The following SLCO3A1 variants were observed in gnomAD, a reference collection of about 807,000 sequenced individuals.
SLCO3A1 encodes solute carrier organic anion transporter family member 3A1.
SLCO3A1 carries 27 observed loss-of-function variants against 63.1 expected under a neutral mutation model. That is an observed-to-expected ratio of 0.43 (90% CI 0.32 to 0.59). SLCO3A1 has a LOEUF of 0.59. SLCO3A1 is among the 20% of genes least tolerant of loss of function. The pLI is 0.09. For synonymous variants in SLCO3A1, 473 were observed against 409.9 expected, an observed-to-expected ratio of 1.15 and a Z score of -1.86; for missense variants, 773 against 945.8, an observed-to-expected ratio of 0.82 and a Z score of 2.40.
chr15:92,147,218 C>T, intron 8 of SLCO3A1, 59 bp downstream of exon 8: 2 of 1,513,626 alleles, frequency 1.3e-6, no homozygotes, highest in Non-Finnish European at 9.0e-7. Context: ...ATCTGCAGGC[C>T]TCCTAGGGAC....
intron 5 of SLCO3A1, among the ~76,000 whole-genome samples, chr15:92,121,493 A>T (rs2047861918): frequency 6.6e-6 from 1 of 152,218 alleles, no homozygotes; most frequent in Non-Finnish European, 1.5e-5. Context: ...AAGTTTCTGG[A>T]TCAGACCTGA....
intron 2 of SLCO3A1, among the ~76,000 whole-genome samples, chr15:92,059,274 T>A (rs976239373): frequency 6.6e-6 from 1 of 152,228 alleles, no homozygotes; most frequent in Admixed American, 6.5e-5. Context: ...GTTACCTGTC[T>A]GTTTCCAAGA....
intron 2 of SLCO3A1, among the ~76,000 whole-genome samples, chr15:91,931,055 T>A (rs6496873): frequency 6.6e-6 from 1 of 151,584 alleles, no homozygotes; most frequent in African/African-American, 2.4e-5. Context: ...GATGTGGAGC[T>A]GGAAAATATT....
chr15:92,120,321 GC>G, intron 4 of SLCO3A1, 143 bp from the exon 5 acceptor site: 2 of 766,160 alleles, frequency 2.6e-6, no homozygotes, highest in South Asian at 3.6e-5. Context: ...GTAGATTTTG[GC>G]CTTAGCAACT....
rs527470539 is a variant in SLCO3A1 at position 91,943,674 on chromosome 15, C to A, written c.646+27216C>A. On this transcript the variant is annotated intron_variant, in intron 2 of 9. Transcript: ENST00000318445. The stretch of plus-strand genomic sequence containing the variant: ...GGAACCGCCATACTGTTTTTCATAC[C>A]CAGTGCATAATTTTCATGTCTCATT... Among the ~76,000 whole-genome samples the A allele has an allele frequency of 1.6e-4, 24 of 152,174 alleles. No individual in the cohort carries two copies. The East Asian group carries it at 4.6e-3, about 29-fold the overall frequency.
At chr15:91,878,439 G>T (rs1897460052) in intron 1 of SLCO3A1, among the ~76,000 whole-genome samples, 1 of 152,168 alleles carries the variant, frequency 6.6e-6, no homozygotes, top group African/African-American at 2.4e-5. Context: ...CTTGGTAGTA[G>T]CCAAATGCCA....
chr15:91,909,192 C>T (rs1189863119), intron 1 of SLCO3A1, among the ~76,000 whole-genome samples: 5 of 152,156 alleles, frequency 3.3e-5, no homozygotes, highest in Non-Finnish European at 7.3e-5. Context: ...TTTGTATTGC[C>T]AGGCACGGGA....
intron 2 of SLCO3A1, among the ~76,000 whole-genome samples, chr15:92,077,101 AT>A (rs2047286567): frequency 6.6e-6 from 1 of 152,138 alleles, no homozygotes; most frequent in South Asian, 2.1e-4. Flanking sequence ...GTATAAACCC[AT>A]CAGAACTCGT....
At position 91,941,604 on chromosome 15, in the gene SLCO3A1, T is replaced by G. The variant is rs745360429; in HGVS notation, c.646+25146T>G. The G allele has an allele frequency of 2.6e-5, 12 of 455,712 alleles. 1 individual carries two copies. Among genetic ancestry groups the G allele is most frequent in the South Asian group, 1.9e-4 (12 of 64,488 alleles). The allele number at this position is 455,712 out of a possible 1,614,324, so 28.2% of individuals were successfully genotyped here. On this transcript the variant is annotated intron_variant, in intron 2 of 9. Coordinates refer to ENST00000318445, the MANE Select transcript of SLCO3A1 (RefSeq NM_013272.4). This position sits in a 1 kb window ranked among gnomAD's most constrained non-coding sequence, Gnocchi z 4.4. ...AAGTAATCTTTTCTCTTCCTTCGTC[T>G]TGGAGGTTTTGAAGCTTCTAATCTC...
In SLCO3A1 at chr15:91,882,449, A is replaced by T. The variant is rs1238420514; in HGVS notation, c.180+28361A>T. Among the ~76,000 whole-genome samples, 2 of 152,142 alleles carry T rather than the reference A, an allele frequency of 1.3e-5. No homozygotes were observed. The highest frequency in any genetic ancestry group is 1.3e-4 in the Admixed American group (2 of 15,276). ...AATCAATGAATGATCAAACAGAGGG[A>T]CATGAAATTTGCTAATACGGTATAG... On this transcript the variant is annotated intron_variant, in intron 1 of 9. Coordinates refer to ENST00000318445, the MANE Select transcript of SLCO3A1 (RefSeq NM_013272.4). The surrounding 1 kb of genome is among the most constrained non-coding windows in gnomAD (Gnocchi z 4.4).
In SLCO3A1 at chr15:92,165,295, A is replaced by G. The variant is rs746025890; in HGVS notation, c.*2160A>G. 5.1e-6 allele frequency: 5 copies of G among 985,414 alleles called. No individual in the cohort carries two copies. The highest frequency in any genetic ancestry group is 4.8e-6 in the Non-Finnish European group (4 of 829,894). 61.0% of individuals were successfully genotyped at this position (985,414 alleles called of 1,614,324 possible). A position where few individuals can be genotyped will look rare whatever the true frequency, so the allele number is the denominator to read the frequency against. ...ACACTCATCAGTACGTTAACTACTA[A>G]AGGGGAGATGGTTCTCCAACCACTT... On this transcript the variant is annotated 3_prime_UTR_variant, in exon 10 of 10. Coordinates refer to ENST00000318445, the MANE Select transcript of SLCO3A1 (RefSeq NM_013272.4).
chr15:92,061,868 C>A lies in SLCO3A1; in HGVS notation c.647-33013C>A, dbSNP rs4247078. 3.6e-4 allele frequency among the ~76,000 whole-genome samples: 54 copies of A among 151,898 alleles called. 1 individual carries two copies. Among genetic ancestry groups the A allele is most frequent in the Admixed American group, 3.4e-3 (52 of 15,284 alleles). On this transcript the variant is annotated intron_variant, in intron 2 of 9. Transcript: ENST00000318445. ...ACACAAGGGCCTCCCCTTTGGGAGC[C>A]ACAAGGGTTTAGCTACATGGTCATG...
chr15:91,999,606 A>G (rs1271575875), intron 2 of SLCO3A1, among the ~76,000 whole-genome samples: 1 of 152,156 alleles, frequency 6.6e-6, no homozygotes, highest in African/African-American at 2.4e-5. Flanking sequence ...AAGGGGTGGC[A>G]AAAATACAGG....
At position 92,053,607 on chromosome 15, in the gene SLCO3A1, C is replaced by T. The variant is rs748996328; in HGVS notation, c.647-41274C>T. Among the ~76,000 whole-genome samples the T allele has an allele frequency of 1.9e-4, 29 of 151,934 alleles. 1 individual carries two copies. Among genetic ancestry groups the T allele is most frequent in the African/African-American group, 7.0e-4 (29 of 41,352 alleles). On this transcript the variant is annotated intron_variant, in intron 2 of 9. Coordinates refer to ENST00000318445, the MANE Select transcript of SLCO3A1 (RefSeq NM_013272.4). ...GTCAGACTTTTCTTCTTTCTGATGCCCTTGACAGCGTTGAGGAGTACTGGT... is the reference window on the plus strand; with the variant it reads ...GTCAGACTTTTCTTCTTTCTGATGCTCTTGACAGCGTTGAGGAGTACTGGT...
At chr15:92,056,204 G>A (rs560894181) in intron 2 of SLCO3A1, among the ~76,000 whole-genome samples, 3 of 151,982 alleles carry the variant, frequency 2.0e-5, no homozygotes, top group East Asian at 1.9e-4. Flanking sequence ...CGGTTCCTTC[G>A]TAACCACATT....
intron 2 of SLCO3A1, among the ~76,000 whole-genome samples, chr15:92,038,272 A>G (rs2046752349): frequency 6.6e-6 from 1 of 152,204 alleles, no homozygotes; most frequent in Non-Finnish European, 1.5e-5. Context: ...TAAAGGCACT[A>G]GGTAAGTTAC....
intron 2 of SLCO3A1, among the ~76,000 whole-genome samples, chr15:91,939,993 T>C (rs1899562085): frequency 6.6e-6 from 1 of 152,200 alleles, no homozygotes; most frequent in South Asian, 2.1e-4. Context: ...AGTCAGGCTC[T>C]GGAGCCTATG....
chr15:92,122,598 C>A lies in SLCO3A1; in HGVS notation c.1174+1969C>A, dbSNP rs79728539. Among the ~76,000 whole-genome samples the A allele has an allele frequency of 4.2e-3, 633 of 152,316 alleles. 3 individuals are homozygous for A. Among genetic ancestry groups the A allele is most frequent in the African/African-American group, 0.015 (603 of 41,570 alleles). On this transcript the variant is annotated intron_variant, in intron 5 of 9. Coordinates refer to ENST00000318445, the MANE Select transcript of SLCO3A1 (RefSeq NM_013272.4). Reference sequence around the variant, plus strand: ...ACTTTGGAAAACTCTTTGGCTGTGCCTATTAAAGCTAACCATATGTCTGTG... The same window carrying A: ...ACTTTGGAAAACTCTTTGGCTGTGCATATTAAAGCTAACCATATGTCTGTG...
intron 7 of SLCO3A1, among the ~76,000 whole-genome samples, chr15:92,136,966 G>A (rs1470167068): frequency 1.0e-5 from 1 of 99,788 alleles, no homozygotes; most frequent in Non-Finnish European, 2.1e-5. Context: ...CAAGTAGTCT[G>A]TCTTTTTTTT....
Sources: gnomAD v4.1 joint callset for allele counts (sites outside exome capture counted in the v4.1 genomes callset) on GRCh38, gnomAD v4.1.1 for gene constraint, Gnocchi (gnomAD v3.1) non-coding constraint, MANE v1.5 for transcripts, NCBI Gene and HGNC (gene_info 2026-07-23, HGNC 2026-07-21) for gene names.